Variants in ZNF682 observed in about 807,000 individuals in gnomAD.
ZNF682 encodes zinc finger protein 682.
Under a neutral mutation model 36.5 loss-of-function variants are expected in ZNF682, and 29 were observed. That is an observed-to-expected ratio of 0.80 (90% CI 0.59 to 1.08). ZNF682 has a LOEUF of 1.08. Ranked by LOEUF, ZNF682 falls within the 50% of genes least tolerant of loss-of-function variation. The probability of loss-of-function intolerance (pLI) is 0.00; values close to 1 mark genes in which losing one functional copy is unlikely to be tolerated. For synonymous variants in ZNF682, 180 were observed against 197.0 expected (o/e 0.91, Z 0.72); for missense variants, 561 against 579.7 (o/e 0.97, Z 0.33).
downstream of ZNF682, among the ~76,000 whole-genome samples, chr19:20,002,213 G>T (rs946334844): frequency 2.6e-5 from 4 of 151,652 alleles, no homozygotes; most frequent in Non-Finnish European, 5.9e-5. Context: ...CTCCCGAGTA[G>T]CTGGGACTAC....
chr19:20,038,921 G>A (rs1014141250), intron 1 of ZNF682, among the ~76,000 whole-genome samples: 2 of 152,204 alleles, frequency 1.3e-5, no homozygotes, highest in African/African-American at 4.8e-5. Flanking sequence ...ACTTCAATAA[G>A]TTTTCAACAT....
At chr19:20,034,737 C>T (rs2088512223) in intron 1 of ZNF682, among the ~76,000 whole-genome samples, 1 of 147,898 alleles carries the variant, frequency 6.8e-6, no homozygotes, top group African/African-American at 2.5e-5. Flanking sequence ...TGCGCCATTG[C>T]ACTCCAGTCT....
chr19:20,010,669 A>T lies in ZNF682; in HGVS notation c.227-3394T>A, dbSNP rs193169151. On this transcript the variant is annotated intron_variant, in intron 3 of 3. Coordinates refer to ENST00000397165, the MANE Select transcript of ZNF682 (RefSeq NM_033196.3). ...GAGACTCTGTCTCAAAAAATATATT[A>T]AAAAATTTAAAAAACTGGCCAGTGC... Among the ~76,000 whole-genome samples, 526 of 152,112 alleles carry T rather than the reference A, an allele frequency of 3.5e-3. 1 individual carries two copies. Among genetic ancestry groups the T allele is most frequent in the Admixed American group, 8.8e-3 (134 of 15,274 alleles).
At chr19:20,024,502 A>G in intron 1 of ZNF682, 126 bp from the exon 2 acceptor site, 2 of 1,157,692 alleles carry the variant, frequency 1.7e-6, no homozygotes, top group Non-Finnish European at 1.2e-6. Context: ...ATTTTTAACA[A>G]ATATATTCTC....
downstream of ZNF682, among the ~76,000 whole-genome samples, chr19:19,999,644 C>G (rs937031315): frequency 6.6e-6 from 1 of 152,074 alleles, no homozygotes; most frequent in Admixed American, 6.5e-5. Flanking sequence ...CAGTGATTCT[C>G]CTGCCTCAGC....
In ZNF682 at chr19:20,006,010, TAGTA is replaced by T; in HGVS notation, c.1488_1491del (p.Thr497ArgfsTer6). 1 of 1,573,616 alleles carries T rather than the reference TAGTA, an allele frequency of 6.4e-7. No homozygotes were observed. The highest frequency in any genetic ancestry group is 1.2e-5 in the South Asian group (1 of 85,252). On this transcript the variant is annotated frameshift_variant, in exon 4 of 4. Coordinates refer to ENST00000397165, the MANE Select transcript of ZNF682 (RefSeq NM_033196.3). LOFTEE classifies it high-confidence loss of function. Reference sequence around the variant, plus strand: ...TTTCTCTTTAGTAAAAATTCTTACGTAGTAAGGTTTGAGCAGTGATTAAAAGCTT... The same window carrying T: ...TTTCTCTTTAGTAAAAATTCTTACGTAGGTTTGAGCAGTGATTAAAAGCTT...
chr19:20,007,302 C>T (rs753361577), intron 3 of ZNF682, 27 bp from the exon 4 acceptor site: 1 of 1,552,140 alleles, frequency 6.4e-7, no homozygotes, highest in Non-Finnish European at 8.7e-7. Context: ...ACAAAATATC[C>T]CACTTGTTAT....
downstream of ZNF682, among the ~76,000 whole-genome samples, chr19:19,996,745 G>A (rs553474378): frequency 9.9e-4 from 151 of 152,144 alleles, no homozygotes; most frequent in African/African-American, 3.3e-3. Context: ...TGATGGGTGC[G>A]TCAAAATCTC....
rs1354158239 is a variant in ZNF682, at chr19:20,004,869, C to G, written c.*1136G>C. 6.6e-6 allele frequency: 1 copy of G among 152,148 alleles called. No homozygotes were observed. The highest frequency in any genetic ancestry group is 1.5e-5 in the Non-Finnish European group (1 of 68,026). 9.4% of individuals were successfully genotyped at this position (152,148 alleles called of 1,614,324 possible). A position where few individuals can be genotyped will look rare whatever the true frequency, so the allele number is the denominator to read the frequency against. The stretch of plus-strand genomic sequence containing the variant: ...ACTTTGAATATAATTGTTTAAGTCT[C>G]AAAATATTAATCTCCTATTTCTGTT... On this transcript the variant is annotated 3_prime_UTR_variant, in exon 4 of 4. Coordinates refer to ENST00000397165, the MANE Select transcript of ZNF682 (RefSeq NM_033196.3).
At chr19:19,996,881 A>T (rs1408442324), downstream of ZNF682, among the ~76,000 whole-genome samples, 5 of 152,138 alleles carry the variant, frequency 3.3e-5, no homozygotes, top group Non-Finnish European at 5.9e-5. Flanking sequence ...CTGAGGCCCC[A>T]AAAGAGGCTG....
At chr19:20,009,315 A>G (rs1380226324) in intron 3 of ZNF682, among the ~76,000 whole-genome samples, 1 of 152,202 alleles carries the variant, frequency 6.6e-6, no homozygotes, top group East Asian at 1.9e-4. Context: ...ACCCAGTCAG[A>G]AGATAGTAAA....
At chr19:20,032,958 G>A (rs1399419702) in intron 1 of ZNF682, among the ~76,000 whole-genome samples, 1 of 152,172 alleles carries the variant, frequency 6.6e-6, no homozygotes, top group Non-Finnish European at 1.5e-5. Context: ...TGAAGGTAGG[G>A]TTTTACTTCT....
chr19:19,997,402 C>G (rs2088134423), intron 3 of ZNF682: 1 of 395,992 alleles, frequency 2.5e-6, no homozygotes, highest in Admixed American at 4.4e-5. Context: ...TGTCTGCTGG[C>G]CTTTGTTCTT....
At chr19:20,008,100 G>A (rs1599603753) in intron 3 of ZNF682, 1 of 152,332 alleles carries the variant, frequency 6.6e-6, no homozygotes, top group African/African-American at 2.4e-5. Flanking sequence ...AACTGCCCAG[G>A]TCTTCAGCAC....
At chr19:20,015,973 T>C (rs2088331185) in intron 3 of ZNF682, 1 of 379,864 alleles carries the variant, frequency 2.6e-6, no homozygotes, top group East Asian at 3.7e-5. Context: ...TTGAGGAATA[T>C]AGATGAAAAT....
At chr19:20,018,642 C>A (rs1028765165) in intron 3 of ZNF682, among the ~76,000 whole-genome samples, 7 of 151,884 alleles carry the variant, frequency 4.6e-5, no homozygotes, top group African/African-American at 1.7e-4. Context: ...ACAGTTTTTT[C>A]AACAAATGAT....
intron 3 of ZNF682, among the ~76,000 whole-genome samples, chr19:20,012,278 AT>A (rs1469497517): frequency 6.6e-6 from 1 of 152,214 alleles, no homozygotes; most frequent in African/African-American, 2.4e-5. Flanking sequence ...AAACCATTCA[AT>A]TAATCAAAAA....
chr19:20,018,124 C>T (rs1005595107), intron 3 of ZNF682, among the ~76,000 whole-genome samples: 86 of 104,724 alleles, frequency 8.2e-4, no homozygotes, highest in African/African-American at 2.8e-3. Flanking sequence ...GACGGAGTCT[C>T]GCTCTGTCGC....
chr19:20,035,949 T>C (rs1024331411), intron 1 of ZNF682, among the ~76,000 whole-genome samples: 14 of 152,146 alleles, frequency 9.2e-5, no homozygotes, highest in African/African-American at 3.4e-4. Flanking sequence ...TTGGCCAGGC[T>C]GGTCTTGAAC....
Sources: allele counts gnomAD v4.1 joint callset (sites outside exome capture counted in the v4.1 genomes callset), GRCh38; gene constraint gnomAD v4.1.1; transcripts MANE v1.5; gene names NCBI Gene and HGNC (gene_info 2026-07-23, HGNC 2026-07-21).